CRYBG3: variants seen among roughly 807,000 people sequenced by gnomAD.
CRYBG3 encodes crystallin beta-gamma domain containing 3, also known as very large A-kinase anchor protein.
CRYBG3 carries 127 observed loss-of-function variants against 244.2 expected under a neutral mutation model. The ratio of observed to expected loss-of-function variants is 0.52; its 90% confidence interval spans 0.45 to 0.60. The LOEUF is 0.60. Among genes scored for constraint, CRYBG3 ranks in the 20% least tolerant of loss-of-function variants. The pLI, the probability that CRYBG3 is intolerant of heterozygous loss-of-function variation, is 0.00. For synonymous variants in CRYBG3, 1,132 were observed against 1,195.8 expected (o/e 0.95, Z 1.10); for missense variants, 3,325 against 3,442.5 (o/e 0.97, Z 0.85).
Position 97,822,161 on chromosome 3 carries a change from A to G in CRYBG3, c.-46A>G. Reference sequence around the variant, plus strand: ...GGGCTCCGGGCACCAGGCAACACCTAGGCCGTTCCCTTCAGACAGCCCCGG... The same window carrying G: ...GGGCTCCGGGCACCAGGCAACACCTGGGCCGTTCCCTTCAGACAGCCCCGG... On this transcript the variant is annotated 5_prime_UTR_variant, in exon 1 of 22. Transcript: ENST00000389622. 6.8e-7 allele frequency: 1 copy of G among 1,461,662 alleles called. No individual in the cohort carries two copies. The highest frequency in any genetic ancestry group is 9.0e-7 in the Non-Finnish European group (1 of 1,109,208). 90.5% of individuals were successfully genotyped at this position (1,461,662 alleles called of 1,614,324 possible).
At chr3:97,862,387 G>A (rs375754612) in intron 2 of CRYBG3, among the ~76,000 whole-genome samples, 1 of 151,936 alleles carries the variant, frequency 6.6e-6, no homozygotes, top group Non-Finnish European at 1.5e-5. Context: ...ATATTTTAAT[G>A]AGCAGCCTGT....
At chr3:97,823,924 C>T (rs2038543635) in intron 1 of CRYBG3, among the ~76,000 whole-genome samples, 1 of 152,192 alleles carries the variant, frequency 6.6e-6, no homozygotes, top group Non-Finnish European at 1.5e-5. Flanking sequence ...CTGACCCCTC[C>T]AGCAACTAGT....
intron 2 of CRYBG3, among the ~76,000 whole-genome samples, chr3:97,856,472 A>G (rs983438680): frequency 6.6e-6 from 1 of 152,222 alleles, no homozygotes; most frequent in African/African-American, 2.4e-5. Flanking sequence ...TGATTGGGGA[A>G]GTGATAAGTG....
At chr3:97,833,554 G>T (rs2038685963) in intron 1 of CRYBG3, among the ~76,000 whole-genome samples, 1 of 152,048 alleles carries the variant, frequency 6.6e-6, no homozygotes. Context: ...ACACACTAGA[G>T]CCTGTTGTCG....
intron 15 of CRYBG3, among the ~76,000 whole-genome samples, chr3:97,905,596 C>A (rs10935147): frequency 8.6e-5 from 13 of 151,646 alleles, no homozygotes; most frequent in Admixed American, 4.6e-4. Context: ...GGGTTGTTTG[C>A]TTTTTTCTTG....
intron 15 of CRYBG3, among the ~76,000 whole-genome samples, chr3:97,904,418 A>G (rs2108243365): frequency 6.6e-6 from 1 of 152,336 alleles, no homozygotes; most frequent in South Asian, 2.1e-4. Context: ...GCGTGTGTAT[A>G]TGAATTTTAA....
At chr3:97,895,811 G>T in intron 11 of CRYBG3, 148 bp from the exon 12 acceptor site, 3 of 652,758 alleles carry the variant, frequency 4.6e-6, no homozygotes, top group Non-Finnish European at 7.6e-6. Context: ...CACACCATTT[G>T]TCTATCTTTA....
rs1444334565 is a variant in CRYBG3 at position 97,874,861 on chromosome 3, A to G, written c.3667A>G (p.Thr1223Ala). 1 of 1,535,580 alleles carries G rather than the reference A, an allele frequency of 6.5e-7. No individual in the cohort carries two copies. Among genetic ancestry groups the G allele is most frequent in the Non-Finnish European group, 8.7e-7 (1 of 1,146,742 alleles). ...ACTAAAATTCAAACACACAGTGAGTACCTGCCAGGAGCATATAGCCATAGA... is the reference window on the plus strand; with the variant it reads ...ACTAAAATTCAAACACACAGTGAGTGCCTGCCAGGAGCATATAGCCATAGA... ...EELKFKHTVS[T>A]CQEHIAIEGI... Residue 1223 changes from threonine (T) to alanine (A), a missense_variant, in exon 4 of 22, where the codon ACC becomes GCC. Around this residue, in one of 4 missense-constraint regions of CRYBG3, gnomAD observed 1,526 missense variants for 1,443.2 expected, o/e 1.06. Coordinates refer to ENST00000389622, the MANE Select transcript of CRYBG3 (RefSeq NM_153605.4).
Position 97,944,937 on chromosome 3 carries a change from A to C in CRYBG3, c.*1623A>C. ...ATTGGAATTGTGCCTTTTCTACCAC[A>C]CTGGATTAAATAAACTTGTCAAAAT... On this transcript the variant is annotated 3_prime_UTR_variant, in exon 22 of 22. Coordinates refer to ENST00000389622, the MANE Select transcript of CRYBG3 (RefSeq NM_153605.4). The C allele has an allele frequency of 3.3e-6, 1 of 300,944 alleles. No individual in the cohort carries two copies. The highest frequency in any genetic ancestry group is 6.1e-6 in the Non-Finnish European group (1 of 164,440). 18.6% of individuals were successfully genotyped at this position (300,944 alleles called of 1,614,324 possible).
In CRYBG3 at chr3:97,874,243, G is replaced by GA. The variant is rs1261278948; in HGVS notation, c.3056dup (p.Asn1019LysfsTer6). ...TTTTCTGGATTCTGATTCCAGTTTG[G>GA]AAAAAAATTCTTCTGCATCTGAGGA... On this transcript the variant is annotated frameshift_variant, in exon 4 of 22. Transcript: ENST00000389622. LOFTEE classifies it high-confidence loss of function. 2.6e-6 allele frequency: 4 copies of GA among 1,533,838 alleles called. No homozygotes were observed. The highest frequency in any genetic ancestry group is 1.4e-5 in the African/African-American group (1 of 72,862).
chr3:97,857,405 C>T (rs1346560522), intron 2 of CRYBG3, among the ~76,000 whole-genome samples: 3 of 148,270 alleles, frequency 2.0e-5, no homozygotes, highest in Middle Eastern at 3.6e-3. Context: ...ATTTAATCCG[C>T]GATTTCCTTA....
At chr3:97,907,328 T>C (rs1267615583) in intron 15 of CRYBG3, among the ~76,000 whole-genome samples, 1 of 152,168 alleles carries the variant, frequency 6.6e-6, no homozygotes, top group Non-Finnish European at 1.5e-5. Flanking sequence ...TTGGTACCAG[T>C]TCCTCCTTGT....
At chr3:97,909,474 C>A (rs1483927530) in intron 15 of CRYBG3, among the ~76,000 whole-genome samples, 1 of 150,786 alleles carries the variant, frequency 6.6e-6, no homozygotes, top group Non-Finnish European at 1.5e-5. Context: ...TCTAAACTTC[C>A]CTTCTCGCTT....
At chr3:97,843,152 T>C (rs1469758846) in intron 1 of CRYBG3, 43 bp from the exon 2 acceptor site, 3 of 1,304,314 alleles carry the variant, frequency 2.3e-6, no homozygotes, top group Admixed American at 5.1e-5. Context: ...AGTTTCGTAA[T>C]TTTCTTTTAA....
chr3:97,861,051 A>G (rs1396310716), intron 2 of CRYBG3, among the ~76,000 whole-genome samples: 1 of 151,784 alleles, frequency 6.6e-6, no homozygotes, highest in African/African-American at 2.4e-5. Flanking sequence ...TTTTTGGCTT[A>G]CCTAATCAAA....
At chr3:97,831,056 G>A (rs536182017) in intron 1 of CRYBG3, among the ~76,000 whole-genome samples, 18 of 152,226 alleles carry the variant, frequency 1.2e-4, no homozygotes, top group Non-Finnish European at 2.1e-4. Context: ...AAATGACATC[G>A]AAATTTATTA....
At chr3:97,929,551 TTAAAA>T (rs2040075974) in intron 17 of CRYBG3, among the ~76,000 whole-genome samples, 1 of 151,894 alleles carries the variant, frequency 6.6e-6, no homozygotes, top group Admixed American at 6.6e-5. Context: ...AATATTTAAA[TTAAAA>T]TAAAGTAGAA....
chr3:97,905,117 A>C (rs930787727), intron 15 of CRYBG3, among the ~76,000 whole-genome samples: 6 of 152,106 alleles, frequency 3.9e-5, no homozygotes, highest in Admixed American at 6.5e-5. Flanking sequence ...TATATATGTG[A>C]CACATTTTCT....
At chr3:97,940,749 A>G (rs1352390586) in intron 19 of CRYBG3, among the ~76,000 whole-genome samples, 1 of 151,946 alleles carries the variant, frequency 6.6e-6, no homozygotes, top group Admixed American at 6.6e-5. Context: ...GCTCCACAGT[A>G]TGTCTTTCTG....
Sources: allele counts gnomAD v4.1 joint callset (sites outside exome capture counted in the v4.1 genomes callset), GRCh38; gene constraint gnomAD v4.1.1; regional missense constraint gnomAD v4.1.1; transcripts MANE v1.5; gene names NCBI Gene and HGNC (gene_info 2026-07-23, HGNC 2026-07-21).